COL6A3: variants seen among roughly 807,000 people sequenced by gnomAD.
The protein encoded by COL6A3 is collagen alpha-3(VI) chain.
COL6A3 carries 137 observed loss-of-function variants against 274.1 expected under a neutral mutation model. That is an observed-to-expected ratio of 0.50 (90% CI 0.44 to 0.58). The LOEUF is 0.58. Ranked by LOEUF, COL6A3 falls within the 20% of genes least tolerant of loss-of-function variation. COL6A3 has a pLI of 0.00. For missense variants in COL6A3, 3,950 were observed against 4,124.9 expected (o/e 0.96, Z 1.16); for synonymous variants, 1,650 against 1,650.6 (o/e 1.00, Z 0.01).
At chr2:237,403,622 A>AT (rs912682275) in intron 1 of COL6A3, among the ~76,000 whole-genome samples, 8 of 151,884 alleles carry the variant, frequency 5.3e-5, no homozygotes, top group East Asian at 1.9e-4. Flanking sequence ...GCTCAGCCCG[A>AT]TTTTTTTTCC....
At chr2:237,402,248 G>A (rs1359455136) in intron 1 of COL6A3, among the ~76,000 whole-genome samples, 1 of 152,156 alleles carries the variant, frequency 6.6e-6, no homozygotes. Flanking sequence ...TGTAGTTACT[G>A]TCCCATAGGT....
Position 237,340,622 on chromosome 2 carries a change from T to A in COL6A3, c.8294A>T (p.Lys2765Met), listed in dbSNP as rs1213491491. 1 of 1,614,092 alleles carries A rather than the reference T, an allele frequency of 6.2e-7. No individual in the cohort carries two copies. The highest frequency in any genetic ancestry group is 2.2e-5 in the East Asian group (1 of 44,892). Reference sequence around the variant, plus strand: ...GCCCAGGACCACGAAGAAGTAGCCCTTGCATTTGGCCTGCAGGATGACTCT... The same window carrying A: ...GCCCAGGACCACGAAGAAGTAGCCCATGCATTTGGCCTGCAGGATGACTCT... ...AQRVILQAKC[K>M]GYFFVVLGIG... Residue 2765 changes from lysine to methionine, a missense_variant, in exon 38 of 44, where the codon AAG becomes ATG. By Grantham distance (95) the Lys-to-Met change is moderately conservative. This residue lies in a region of COL6A3 where 1,284 missense variants were observed against 1,349.7 expected (regional missense o/e 0.95). Transcript: ENST00000295550.
At chr2:237,358,790 A>G (rs1025232358) in intron 20 of COL6A3, among the ~76,000 whole-genome samples, 1 of 152,214 alleles carries the variant, frequency 6.6e-6, no homozygotes, top group African/African-American at 2.4e-5. Flanking sequence ...TGTGCCAGGC[A>G]CTGGAGATTT....
Position 237,366,772 on chromosome 2 carries a change from C to T in COL6A3, c.5415G>A (p.Leu1805=). The change falls in exon 11 of 44, where the codon CTG becomes CTA. Residue 1805 remains leucine, a synonymous_variant. Coordinates refer to ENST00000295550, the MANE Select transcript of COL6A3 (RefSeq NM_004369.4). The part of the protein sequence containing the change: ...TAFRVGNVQE[L]SELSEQVLET... ...CCAAAACTTGCTCGCTCAGTTCGGA[C>T]AGCTCCTGGACGTTGCCCACGCGGA... The T allele has an allele frequency of 1.2e-6, 2 of 1,614,284 alleles. No individual in the cohort carries two copies. The highest frequency in any genetic ancestry group is 2.2e-5 in the East Asian group (1 of 44,882).
chr2:237,345,631 T>C (rs2077082470), intron 32 of COL6A3, among the ~76,000 whole-genome samples: 1 of 152,148 alleles, frequency 6.6e-6, no homozygotes, highest in South Asian at 2.1e-4. Context: ...CCAGCTGAAT[T>C]CCACCCCGAG....
In COL6A3 at chr2:237,333,495, T is replaced by C. The variant is rs762023931; in HGVS notation, c.9283A>G (p.Ile3095Val). 8 of 1,614,112 alleles carry C rather than the reference T, an allele frequency of 5.0e-6. No individual in the cohort carries two copies. The highest frequency in any genetic ancestry group is 1.1e-5 in the South Asian group (1 of 91,088). ...QPARSASSST[I>V]NLMVSTEPLA... ...GGTTCTGTGCTCACCATTAGATTGA[T>C]GGTTGAACTAGAAGCTGACCTTGCT... The change falls in exon 42 of 44, where the codon ATC becomes GTC. Residue 3095 changes from isoleucine to valine, a missense_variant. Around this residue, in one of 5 missense-constraint regions of COL6A3, gnomAD observed 1,284 missense variants for 1,349.7 expected, o/e 0.95. Coordinates refer to ENST00000295550, the MANE Select transcript of COL6A3 (RefSeq NM_004369.4).
rs745667305 is a variant in COL6A3, at chr2:237,387,887, C to A, written c.1007G>T (p.Arg336Leu). Residue 336 changes from arginine (R) to leucine (L), a missense_variant, in exon 4 of 44, where the codon CGG becomes CTG. By Grantham distance (102) the Arg-to-Leu change is moderately radical (BLOSUM62 -2). This residue lies in a region of COL6A3 where 1,934 missense variants were observed against 1,984.3 expected (regional missense o/e 0.97). Transcript: ENST00000295550. ...TTCCTCCACGCGGCTGCCCCCTGCC[C>A]GGGTGAAGTGGTTCTCCACCACGAA... ...LDFVVENHFTRAGGSRVEEGV... is the reference protein window; with the variant it reads ...LDFVVENHFTLAGGSRVEEGV... 1 of 1,614,074 alleles carries A rather than the reference C, an allele frequency of 6.2e-7. No homozygotes were observed. Among genetic ancestry groups the A allele is most frequent in the South Asian group, 1.1e-5 (1 of 91,066 alleles).
At chr2:237,372,538 G>A (rs1467836467) in intron 8 of COL6A3, among the ~76,000 whole-genome samples, 2 of 152,180 alleles carry the variant, frequency 1.3e-5, no homozygotes, top group Admixed American at 1.3e-4. Flanking sequence ...TGAAAAACCC[G>A]ACGGAGGCAG....
chr2:237,324,966 T>G, intron 43 of COL6A3, 152 bp from the exon 44 acceptor site: 1 of 838,586 alleles, frequency 1.2e-6, no homozygotes, highest in Non-Finnish European at 1.9e-6. Context: ...TTCTACTCAG[T>G]ACCATCAAAG....
chr2:237,368,676 A>G lies in COL6A3; in HGVS notation c.4787T>C (p.Val1596Ala), dbSNP rs1559239279. The G allele has an allele frequency of 1.2e-6, 2 of 1,614,076 alleles. No homozygotes were observed. The highest frequency in any genetic ancestry group is 8.5e-7 in the Non-Finnish European group (1 of 1,180,016). Reference sequence around the variant, plus strand: ...GTTGGGAAGCTCTCTGAACTCTCGCACTGTGAAGACCAGTCTGGGGTCATT... The same window carrying G: ...GTTGGGAAGCTCTCTGAACTCTCGCGCTGTGAAGACCAGTCTGGGGTCATT... ...ITNDPRLVFT[V>A]REFRELPNIE... The change falls in exon 10 of 44, where the codon GTG becomes GCG. Residue 1596 changes from valine to alanine, a missense_variant. Coordinates refer to ENST00000295550, the MANE Select transcript of COL6A3 (RefSeq NM_004369.4). The surrounding 1 kb of genome is among the most constrained non-coding windows in gnomAD (Gnocchi z 4.4).
chr2:237,332,092 TATATATATATATATA>T lies in COL6A3; in HGVS notation c.9328+1343_9328+1357del, dbSNP rs1220082400. 1.2e-3 allele frequency among the ~76,000 whole-genome samples: 41 copies of T among 35,140 alleles called. 4 individuals carry two copies. The highest frequency in any genetic ancestry group is 3.7e-3 in the South Asian group (4 of 1,084). 23.1% of individuals were successfully genotyped at this position (35,140 alleles called of 152,430 possible). ...CTACATATATATATATATATATATATATATATATATATATATATATATATATGAAAAGAAAAACAA... is the reference window on the plus strand; with the variant it reads ...CTACATATATATATATATATATATATTATATATATATGAAAAGAAAAACAA... On this transcript the variant is annotated intron_variant, in intron 42 of 43. Coordinates refer to ENST00000295550, the MANE Select transcript of COL6A3 (RefSeq NM_004369.4).
chr2:237,336,468 T>C lies in COL6A3; in HGVS notation c.8632A>G (p.Thr2878Ala), dbSNP rs761653490. ...SNPVTTTKPV[T>A]TTKPVTTTTK... ...GTGGTGGTCACCGGCTTCGTCGTAG[T>C]CACCGGCTTCGTTGTCGTCACTGGG... Residue 2878 changes from threonine to alanine, a missense_variant, in exon 40 of 44, where the codon ACT becomes GCT. By Grantham distance (58) the Thr-to-Ala change is moderately conservative. Around this residue, in one of 5 missense-constraint regions of COL6A3, gnomAD observed 1,284 missense variants for 1,349.7 expected, o/e 0.95. Transcript: ENST00000295550. 1.3e-4 allele frequency: 202 copies of C among 1,614,138 alleles called. No homozygotes were observed. The highest frequency in any genetic ancestry group is 1.6e-4 in the Non-Finnish European group (192 of 1,180,060).
In COL6A3 at chr2:237,339,083, C is replaced by T. The variant is rs2076930948; in HGVS notation, c.8499G>A (p.Arg2833=). ...CCCCTTGGAACCAATCACACTGTTT[C>T]CTGATATCTGGGGACAAGTAAAAAG... ...ENAFYLSPDI[R]KQCDWFQGDQ... The change falls in exon 39 of 44, where the codon AGG becomes AGA. Residue 2833 remains arginine, a synonymous_variant. Transcript: ENST00000295550. The T allele has an allele frequency of 6.2e-7, 1 of 1,613,928 alleles. No homozygotes were observed. The highest frequency in any genetic ancestry group is 1.3e-5 in the African/African-American group (1 of 74,876).
chr2:237,367,835 G>A (rs559060887), intron 10 of COL6A3, among the ~76,000 whole-genome samples: 1 of 152,202 alleles, frequency 6.6e-6, no homozygotes, highest in Non-Finnish European at 1.5e-5. Context: ...CAGTGGTGTG[G>A]AGGGTAATTT....
chr2:237,365,784 G>A lies in COL6A3; in HGVS notation c.5752C>T (p.Arg1918Cys), dbSNP rs750367811. 35 of 1,614,088 alleles carry A rather than the reference G, an allele frequency of 2.2e-5. No homozygotes were observed. The highest frequency in any genetic ancestry group is 2.5e-5 in the Non-Finnish European group (29 of 1,180,046). The change falls in exon 12 of 44, where the codon CGC becomes TGC. Residue 1918 changes from arginine to cysteine, a missense_variant. Coordinates refer to ENST00000295550, the MANE Select transcript of COL6A3 (RefSeq NM_004369.4). Reference protein sequence around the residue: ...PEMLEKFRNMRSQHPYVLTED... With the variant: ...PEMLEKFRNMCSQHPYVLTED... ...GTGAGGACGTAGGGGTGCTGGCTGC[G>A]CATGTTCCGGAACTTCTCGAGCATC...
chr2:237,340,488 T>G lies in COL6A3; in HGVS notation c.8428A>C (p.Met2810Leu), dbSNP rs886043574. ...GATGGCAACAGCCTCCCGAAGCGCA[T>G]CAAAGGCTCCTCGTTGAGCTCGGTG... ...KSTELNEEPL[M>L]RFGRLLPSFV... The change falls in exon 38 of 44, where the codon ATG becomes CTG. Residue 2810 changes from methionine to leucine, a missense_variant. Coordinates refer to ENST00000295550, the MANE Select transcript of COL6A3 (RefSeq NM_004369.4). The G allele has an allele frequency of 8.7e-6, 14 of 1,613,988 alleles. No homozygotes were observed. The highest frequency in any genetic ancestry group is 1.2e-5 in the Non-Finnish European group (14 of 1,180,030).
Position 237,367,058 on chromosome 2 carries a change from A to G in COL6A3, c.5129T>C (p.Val1710Ala), listed in dbSNP as rs2106350791. 1.9e-6 allele frequency: 3 copies of G among 1,614,200 alleles called. No homozygotes were observed. The highest frequency in any genetic ancestry group is 2.5e-6 in the Non-Finnish European group (3 of 1,180,046). The change falls in exon 11 of 44, where the codon GTC (valine) becomes GCC (alanine). Residue 1710 changes from valine to alanine, a missense_variant. Val to Ala is a moderately conservative substitution (Grantham distance 64, BLOSUM62 0). Transcript: ENST00000295550. ...GTTGGCGTGTCTTCCCCCTTTGTAG[A>G]CCACTTTGTTGATGGCGTCAATAAT... ...RQIIDAINKVVYKGGRHANTK... is the reference protein window; with the variant it reads ...RQIIDAINKVAYKGGRHANTK...
intron 31 of COL6A3, 63 bp downstream of exon 31, chr2:237,347,744 G>A (rs2077124538): frequency 7.5e-6 from 11 of 1,475,058 alleles, no homozygotes; most frequent in Non-Finnish European, 1.0e-5. Flanking sequence ...AGCCTCAGCA[G>A]TTAATCACAT....
chr2:237,396,900 C>G (rs2078456133), intron 1 of COL6A3, 53 bp from the exon 2 acceptor site: 1 of 1,161,874 alleles, frequency 8.6e-7, no homozygotes. Flanking sequence ...TCTCATTATG[C>G]AAAATCTCTC....
Sources: allele counts gnomAD v4.1 joint callset (sites outside exome capture counted in the v4.1 genomes callset), GRCh38; gene constraint gnomAD v4.1.1; regional missense constraint gnomAD v4.1.1; non-coding constraint Gnocchi (gnomAD v3.1); transcripts MANE v1.5; gene names NCBI Gene and HGNC (gene_info 2026-07-23, HGNC 2026-07-21).